TMEM273: variants seen among roughly 807,000 people sequenced by gnomAD.
TMEM273 encodes the protein chromosome 10 open reading frame 128.
TMEM273 carries 19 observed loss-of-function variants against 17.9 expected under a neutral mutation model. The ratio of observed to expected loss-of-function variants is 1.06; its 90% CI spans 0.74 to 1.55. The LOEUF (loss-of-function observed/expected upper bound fraction) is 1.55. Among genes scored for constraint, TMEM273 ranks in the 40% most tolerant of loss-of-function variants. The pLI, the probability that TMEM273 is intolerant of heterozygous loss-of-function variation, is 0.00. For synonymous variants in TMEM273, 66 were observed against 62.0 expected, an observed-to-expected ratio of 1.07 and a Z score of -0.31; for missense variants, 194 against 155.6, an observed-to-expected ratio of 1.25 and a Z score of -1.31.
Position 49,154,917 on chromosome 10 carries a change from G to A in TMEM273, c.*975C>T, listed in dbSNP as rs1049913495. On this transcript the variant is annotated 3_prime_UTR_variant, in exon 7 of 7. Transcript: ENST00000374153. ...ACACAGCACTTTGTTCTGAAATATA[G>A]CTCATCTTTCATCACACACAAGGAG... 3 of 152,188 alleles carry A rather than the reference G, an allele frequency of 2.0e-5. No individual in the cohort carries two copies. Among genetic ancestry groups the A allele is most frequent in the Admixed American group, 1.3e-4 (2 of 15,284 alleles). 9.4% of individuals were successfully genotyped at this position (152,188 alleles called of 1,614,324 possible).
chr10:49,167,848 T>A, intron 2 of TMEM273, 61 bp downstream of exon 2: 5 of 1,599,082 alleles, frequency 3.1e-6, no homozygotes, highest in Non-Finnish European at 4.3e-6. Flanking sequence ...TGCTTGCTTG[T>A]CTTGGGAGCT....
intron 6 of TMEM273, among the ~76,000 whole-genome samples, chr10:49,157,089 G>A (rs1845557142): frequency 1.3e-5 from 2 of 152,290 alleles, no homozygotes; most frequent in Non-Finnish European, 2.9e-5. Context: ...GATAAGGAAG[G>A]GATCTAAAGA....
chr10:49,173,237 A>G (rs1356411152), intron 1 of TMEM273, among the ~76,000 whole-genome samples: 1 of 152,246 alleles, frequency 6.6e-6, no homozygotes, highest in Non-Finnish European at 1.5e-5. Flanking sequence ...CAGTAAGGAA[A>G]TAGCTTCTTT....
At chr10:49,186,330 C>T (rs997398028) in intron 1 of TMEM273, among the ~76,000 whole-genome samples, 1 of 152,166 alleles carries the variant, frequency 6.6e-6, no homozygotes, top group Non-Finnish European at 1.5e-5. Context: ...CTGGTTCCCA[C>T]CGTGGTTTCG....
Position 49,179,586 on chromosome 10 carries a change from A to C in TMEM273, c.43+8708T>G, listed in dbSNP as rs929777663. On this transcript the variant is annotated intron_variant, in intron 1 of 6. Transcript: ENST00000374153. Reference sequence around the variant, plus strand: ...TTTCCCTATTCCTCTCACTAAGCATAGCTAAAATCCCTAAATATTATATTA... The same window carrying C: ...TTTCCCTATTCCTCTCACTAAGCATCGCTAAAATCCCTAAATATTATATTA... Among the ~76,000 whole-genome samples the C allele has an allele frequency of 9.2e-5, 14 of 152,346 alleles. No individual in the cohort carries two copies. In the South Asian group the frequency reaches 2.1e-3, roughly 23 times the overall value.
chr10:49,184,808 G>A (rs571975691), intron 1 of TMEM273, among the ~76,000 whole-genome samples: 10 of 152,342 alleles, frequency 6.6e-5, no homozygotes, highest in African/African-American at 1.9e-4. Context: ...AGGGCTCATC[G>A]AAGCCTCAGC....
chr10:49,185,607 G>A (rs1349470716), intron 1 of TMEM273, among the ~76,000 whole-genome samples: 1 of 152,134 alleles, frequency 6.6e-6, no homozygotes, highest in African/African-American at 2.4e-5. Flanking sequence ...TTACTTACTG[G>A]AATTAACAAC....
At chr10:49,185,306 GAAAGA>G in intron 1 of TMEM273, among the ~76,000 whole-genome samples, 1 of 152,278 alleles carries the variant, frequency 6.6e-6, no homozygotes, top group East Asian at 1.9e-4. Context: ...CTGTGTGTGG[GAAAGA>G]CTGGCCTGGC....
intron 1 of TMEM273, among the ~76,000 whole-genome samples, chr10:49,175,985 T>C (rs1846934687): frequency 6.6e-6 from 1 of 152,116 alleles, no homozygotes; most frequent in South Asian, 2.1e-4. Context: ...AACCTCACCA[T>C]GACTCCCATG....
At chr10:49,169,941 A>G (rs1250249349) in intron 1 of TMEM273, among the ~76,000 whole-genome samples, 3 of 152,126 alleles carry the variant, frequency 2.0e-5, no homozygotes, top group African/African-American at 7.2e-5. Context: ...AGGACAGGGG[A>G]GGGCAGGGCC....
intron 1 of TMEM273, among the ~76,000 whole-genome samples, chr10:49,179,814 C>T (rs576796025): frequency 3.9e-5 from 6 of 152,294 alleles, no homozygotes; most frequent in Non-Finnish European, 8.8e-5. Flanking sequence ...CCAGCTCCCA[C>T]GAGCCAAAGA....
chr10:49,161,204 C>A (rs1000242212), intron 6 of TMEM273: 48 of 222,560 alleles, frequency 2.2e-4, no homozygotes, highest in Non-Finnish European at 4.0e-4. Flanking sequence ...ATGCAAATAC[C>A]CAGCCAAACT....
chr10:49,157,329 CAG>C (rs1654240716), intron 6 of TMEM273, among the ~76,000 whole-genome samples: 1 of 152,168 alleles, frequency 6.6e-6, no homozygotes, highest in African/African-American at 2.4e-5. Flanking sequence ...ATAAGGCTGG[CAG>C]AGTCTAGGGC....
At chr10:49,165,051 C>T (rs1315261997) in intron 5 of TMEM273, among the ~76,000 whole-genome samples, 154 bp downstream of exon 5, 6 of 152,110 alleles carry the variant, frequency 3.9e-5, no homozygotes, top group Admixed American at 6.5e-5. Flanking sequence ...AAAGGAAGAC[C>T]CTACCCGCCC....
chr10:49,168,019 T>C, intron 1 of TMEM273, 57 bp from the exon 2 acceptor site: 1 of 1,606,452 alleles, frequency 6.2e-7, no homozygotes, highest in East Asian at 2.2e-5. Context: ...TGGTCCCAGC[T>C]ACCCAGTCTC....
chr10:49,187,204 C>A (rs1305661580), intron 1 of TMEM273, among the ~76,000 whole-genome samples: 2 of 152,188 alleles, frequency 1.3e-5, no homozygotes. Flanking sequence ...TTAATCGCTG[C>A]TTGCTGGTGC....
rs1845845822 is a variant in TMEM273, at chr10:49,161,620, C to T, written c.351G>A (p.Ala117=). 5.6e-6 allele frequency: 9 copies of T among 1,614,096 alleles called. No individual in the cohort carries two copies. The highest frequency in any genetic ancestry group is 3.3e-5 in the South Asian group (3 of 91,074). Reference sequence around the variant, plus strand: ...TCACCTTTTGGAGAAATTGTGGTTTCGCCTGCAAAACAAGATAAAAGGGTG... The same window carrying T: ...TCACCTTTTGGAGAAATTGTGGTTTTGCCTGCAAAACAAGATAAAAGGGTG... ...HHCIMEGLFK[A]KPQFLQKRCT... Residue 117 remains alanine (A), a splice_region_variant and synonymous_variant, in exon 6 of 7, where the codon GCG becomes GCA. Transcript: ENST00000374153.
intron 1 of TMEM273, among the ~76,000 whole-genome samples, chr10:49,182,436 A>G (rs1014021038): frequency 6.6e-6 from 1 of 152,244 alleles, no homozygotes; most frequent in African/African-American, 2.4e-5. Context: ...GCTCTCTTCA[A>G]TAACTCTGGC....
chr10:49,162,594 G>A (rs2725179), intron 5 of TMEM273, among the ~76,000 whole-genome samples: 37,813 of 152,052 alleles, frequency 0.25, 4,976 homozygotes, highest in Admixed American at 0.34. Context: ...AGCCTTCCCC[G>A]TGGTGAGAAG....
Sources: gnomAD v4.1 joint callset for allele counts (sites outside exome capture counted in the v4.1 genomes callset) on GRCh38, gnomAD v4.1.1 for gene constraint, MANE v1.5 for transcripts, NCBI Gene and HGNC (gene_info 2026-07-23, HGNC 2026-07-21) for gene names.